FNDC1: variants seen among roughly 807,000 people sequenced by gnomAD.
FNDC1 encodes fibronectin type III domain containing 1, also known as fibronectin type III domain-containing protein 1.
In FNDC1, 96 loss-of-function variants were observed where a neutral mutation model predicts 168.0. The observed-to-expected ratio is 0.57, with a 90% CI of 0.48 to 0.68. The LOEUF (loss-of-function observed/expected upper bound fraction) is 0.68. FNDC1 is among the 30% of genes least tolerant of loss of function. FNDC1 has a pLI of 0.00. For synonymous variants in FNDC1, 1,099 were observed against 1,025.9 expected (o/e 1.07, Z -1.36); for missense variants, 2,587 against 2,482.1 (o/e 1.04, Z -0.90).
At chr6:159,173,408 C>T (rs979499470) in intron 1 of FNDC1, among the ~76,000 whole-genome samples, 2 of 152,324 alleles carry the variant, frequency 1.3e-5, no homozygotes, top group Admixed American at 6.5e-5. Flanking sequence ...TTTGAGAGAA[C>T]GTGGTGAGAC....
chr6:159,195,566 A>G (rs942311293), intron 1 of FNDC1, among the ~76,000 whole-genome samples: 6 of 152,220 alleles, frequency 3.9e-5, no homozygotes, highest in African/African-American at 1.4e-4. Flanking sequence ...GAGTTGGGCA[A>G]AGCCATGTTT....
chr6:159,193,253 G>A (rs1372715310), intron 1 of FNDC1, among the ~76,000 whole-genome samples: 4 of 152,188 alleles, frequency 2.6e-5, no homozygotes, highest in Non-Finnish European at 5.9e-5. Context: ...GTCTGACAAT[G>A]TGGAGCCTGG....
Position 159,234,346 on chromosome 6 carries a change from G to T in FNDC1, c.3834G>T (p.Trp1278Cys), listed in dbSNP as rs1391889552. The change falls in exon 11 of 23, where the codon TGG becomes TGT. Residue 1278 changes from tryptophan (W) to cysteine (C), a missense_variant. Coordinates refer to ENST00000297267, the MANE Select transcript of FNDC1 (RefSeq NM_032532.3). ...GCCCCGTCGCGGGCACCCACCCCTG[G>T]CCGCAGTACACCACGCGCGCCCCAC... ...TVSPVAGTHP[W>C]PQYTTRAPPG... 2.5e-6 allele frequency: 4 copies of T among 1,611,246 alleles called. No individual in the cohort carries two copies. Among genetic ancestry groups the T allele is most frequent in the Non-Finnish European group, 3.4e-6 (4 of 1,178,870 alleles).
rs770015749 is a variant in FNDC1 at position 159,238,548 on chromosome 6, A to G, written c.4069-6A>G. On this transcript the variant is annotated splice_region_variant and splice_polypyrimidine_tract_variant and intron_variant, in intron 12 of 22. Coordinates refer to ENST00000297267, the MANE Select transcript of FNDC1 (RefSeq NM_032532.3). ...ATATATTCTTTAATCTATGTCATGG[A>G]TTTAGGTTGTGGACCTTGATCGTGG... 13 of 1,595,048 alleles carry G rather than the reference A, an allele frequency of 8.2e-6. No individual in the cohort carries two copies. The highest frequency in any genetic ancestry group is 1.0e-5 in the Non-Finnish European group (12 of 1,166,654).
intron 1 of FNDC1, among the ~76,000 whole-genome samples, chr6:159,192,046 A>G (rs921952177): frequency 1.3e-5 from 2 of 151,878 alleles, no homozygotes; most frequent in Non-Finnish European, 2.9e-5. Flanking sequence ...ATTTTTTTGT[A>G]TTGTTTTTAT....
chr6:159,261,199 T>C lies in FNDC1; in HGVS notation c.5184T>C (p.Phe1728=). Residue 1728 remains phenylalanine, a synonymous_variant, in exon 19 of 23, where the codon TTT becomes TTC. Coordinates refer to ENST00000297267, the MANE Select transcript of FNDC1 (RefSeq NM_032532.3). ...ENLKPNTRYY[F]KVQAQNPHGY... The stretch of plus-strand genomic sequence containing the variant: ...CTTCTTCCAACTTCAGGTATTATTT[T>C]AAAGTGCAAGCACAAAATCCTCATG... The C allele has an allele frequency of 6.2e-7, 1 of 1,610,240 alleles. No homozygotes were observed. The highest frequency in any genetic ancestry group is 2.2e-5 in the East Asian group (1 of 44,864).
At position 159,172,018 on chromosome 6, in the gene FNDC1, C is replaced by T. The variant is rs1781672121; in HGVS notation, c.109+2313C>T. Among the ~76,000 whole-genome samples, 3 of 152,134 alleles carry T rather than the reference C, an allele frequency of 2.0e-5. No individual in the cohort carries two copies. The South Asian group carries it at 6.2e-4, about 31-fold the overall frequency. ...GAATCAAGGCAGGGACATCACCATG[C>T]ACTAGTAGTCTTTGAATTTTGGGGG... On this transcript the variant is annotated intron_variant, in intron 1 of 22. Coordinates refer to ENST00000297267, the MANE Select transcript of FNDC1 (RefSeq NM_032532.3).
chr6:159,233,440 G>T lies in FNDC1; in HGVS notation c.2928G>T (p.Ala976=), dbSNP rs1014886502. ...KAQPGSTDRH[A]SPARPPAARS... ...AGCCAGGGTCCACAGACCGCCACGC[G>T]TCCCCTGCTCGTCCGCCCGCAGCAC... The change falls in exon 11 of 23, where the codon GCG becomes GCT. Residue 976 remains alanine (A), a synonymous_variant. Transcript: ENST00000297267. This position sits in a 1 kb window ranked among gnomAD's most constrained non-coding sequence, Gnocchi z 4.6. The T allele has an allele frequency of 6.2e-7, 1 of 1,609,900 alleles. No homozygotes were observed. The highest frequency in any genetic ancestry group is 8.5e-7 in the Non-Finnish European group (1 of 1,179,004).
intron 22 of FNDC1, among the ~76,000 whole-genome samples, chr6:159,269,488 A>G (rs1299773927): frequency 7.3e-6 from 1 of 136,588 alleles, no homozygotes; most frequent in Admixed American, 7.2e-5. Context: ...CTATCTATCT[A>G]TCTATCTATC....
chr6:159,205,160 G>T (rs767882132), intron 4 of FNDC1, among the ~76,000 whole-genome samples: 4 of 152,138 alleles, frequency 2.6e-5, no homozygotes, highest in African/African-American at 7.2e-5. Flanking sequence ...TCAGAAAGTT[G>T]ATACCTACTG....
chr6:159,245,343 A>C (rs1035707797), intron 14 of FNDC1, among the ~76,000 whole-genome samples: 1 of 152,230 alleles, frequency 6.6e-6, no homozygotes, highest in African/African-American at 2.4e-5. Flanking sequence ...TGGCTGATAC[A>C]CAGAAGACAT....
intron 2 of FNDC1, 62 bp downstream of exon 2, chr6:159,197,687 C>T: frequency 6.9e-7 from 1 of 1,448,280 alleles, no homozygotes; most frequent in South Asian, 1.3e-5. Context: ...TTCTCAGTTG[C>T]ATTCTTAGGA....
chr6:159,233,226 G>A lies in FNDC1; in HGVS notation c.2714G>A (p.Gly905Asp), dbSNP rs1433011984. ...TCCTCCAGGCAGCCCATCTCCCGGG[G>A]CTGGGAGGACTTAAGGAGAAGCCCG... is the stretch of plus-strand genomic sequence containing the variant. ...PSSSRQPISR[G>D]WEDLRRSPQR... Residue 905 changes from glycine (G) to aspartate (D), a missense_variant, in exon 11 of 23, where the codon GGC becomes GAC. By Grantham distance (94) the Gly-to-Asp change is moderately conservative. Coordinates refer to ENST00000297267, the MANE Select transcript of FNDC1 (RefSeq NM_032532.3). This position sits in a 1 kb window ranked among gnomAD's most constrained non-coding sequence, Gnocchi z 4.6. 2 of 1,613,640 alleles carry A rather than the reference G, an allele frequency of 1.2e-6. No individual in the cohort carries two copies. Among genetic ancestry groups the A allele is most frequent in the Non-Finnish European group, 1.7e-6 (2 of 1,179,826 alleles).
rs199806144 is a variant in FNDC1 at position 159,233,139 on chromosome 6, A to T, written c.2627A>T (p.His876Leu). 3 of 1,605,194 alleles carry T rather than the reference A, an allele frequency of 1.9e-6. No homozygotes were observed. In the East Asian group the frequency reaches 6.7e-5, roughly 36 times the overall value. The change falls in exon 11 of 23, where the codon CAT becomes CTT. Residue 876 changes from histidine (H) to leucine (L), a missense_variant. Transcript: ENST00000297267. This position sits in a 1 kb window ranked among gnomAD's most constrained non-coding sequence, Gnocchi z 4.6. Reference sequence around the variant, plus strand: ...CACCCTAAGCTTAGCTCAGGTATCCATGGAGACGAGGAGGATGAGAAGCCG... The same window carrying T: ...CACCCTAAGCTTAGCTCAGGTATCCTTGGAGACGAGGAGGATGAGAAGCCG... Reference protein sequence around the residue: ...DSHPKLSSGIHGDEEDEKPLP... With the variant: ...DSHPKLSSGILGDEEDEKPLP...
intron 1 of FNDC1, among the ~76,000 whole-genome samples, chr6:159,189,407 GT>G (rs1449681592): frequency 6.6e-6 from 1 of 152,170 alleles, no homozygotes; most frequent in Non-Finnish European, 1.5e-5. Flanking sequence ...GCAGTTTGGG[GT>G]CACACGTCCA....
At chr6:159,237,628 G>C (rs1201875152) in intron 12 of FNDC1, among the ~76,000 whole-genome samples, 1 of 152,154 alleles carries the variant, frequency 6.6e-6, no homozygotes, top group Non-Finnish European at 1.5e-5. Context: ...AAGATTTTAT[G>C]TCTTTAATAT....
At chr6:159,223,430 C>T (rs1782879254) in intron 6 of FNDC1, 98 bp from the exon 7 acceptor site, 1 of 638,950 alleles carries the variant, frequency 1.6e-6, no homozygotes, top group South Asian at 2.3e-5. Context: ...CAATCTAAAA[C>T]TTATGCAGGG....
At position 159,190,435 on chromosome 6, in the gene FNDC1, G is replaced by A. The variant is rs1024336707; in HGVS notation, c.110-6996G>A. ...TCTCCTCTCAGGTCTGCCTTCCTAC[G>A]GGAAAGTTCCATTTGGCTCCACTCC... On this transcript the variant is annotated intron_variant, in intron 1 of 22. Coordinates refer to ENST00000297267, the MANE Select transcript of FNDC1 (RefSeq NM_032532.3). Among the ~76,000 whole-genome samples the A allele has an allele frequency of 5.9e-5, 9 of 152,214 alleles. No homozygotes were observed. The South Asian group carries it at 6.2e-4, about 10-fold the overall frequency.
chr6:159,234,103 T>C lies in FNDC1; in HGVS notation c.3591T>C (p.Ser1197=), dbSNP rs186547898. ...FFKGGKEDLL[S]SSVPKWPSSS... ...AAGGCGGGAAAGAAGACCTTCTGTC[T>C]TCCTCTGTGCCAAAGTGGCCCTCTT... The change falls in exon 11 of 23, where the codon TCT becomes TCC. Residue 1197 remains serine (S), a synonymous_variant. Coordinates refer to ENST00000297267, the MANE Select transcript of FNDC1 (RefSeq NM_032532.3). The C allele has an allele frequency of 1.1e-3, 1,843 of 1,609,998 alleles. 20 individuals are homozygous for C. In the African/African-American group the frequency reaches 0.021, roughly 19 times the overall value.
Sources: allele counts gnomAD v4.1 joint callset (sites outside exome capture counted in the v4.1 genomes callset), GRCh38; gene constraint gnomAD v4.1.1; non-coding constraint Gnocchi (gnomAD v3.1); transcripts MANE v1.5; gene names NCBI Gene and HGNC (gene_info 2026-07-23, HGNC 2026-07-21).